Variants in PRKN observed in about 807,000 individuals in gnomAD.
The protein encoded by PRKN is parkin RBR E3 ubiquitin protein ligase, also known as E3 ubiquitin-protein ligase parkin.
PRKN carries 56 observed loss-of-function variants against 59.5 expected under a neutral mutation model. The ratio of observed to expected loss-of-function variants is 0.94; its 90% confidence interval spans 0.76 to 1.18. PRKN has a LOEUF of 1.18. Ranked by LOEUF, PRKN falls within the 50% of genes most tolerant of loss-of-function variation. The probability of loss-of-function intolerance (pLI) is 0.00; values close to 1 mark genes in which losing one functional copy is unlikely to be tolerated. For missense variants in PRKN, 657 were observed against 596.4 expected (o/e 1.10, Z -1.06); for synonymous variants, 250 against 222.1 (o/e 1.13, Z -1.12).
intron 5 of PRKN, among the ~76,000 whole-genome samples, chr6:162,006,996 A>C (rs868334631): frequency 1.3e-5 from 2 of 152,182 alleles, no homozygotes; most frequent in Admixed American, 6.6e-5. Context: ...TTATATATAC[A>C]AGTAAACAAA....
At chr6:162,141,374 T>C (rs1781773112) in intron 4 of PRKN, among the ~76,000 whole-genome samples, 1 of 152,178 alleles carries the variant, frequency 6.6e-6, no homozygotes, top group African/African-American at 2.4e-5. Context: ...ATTTACCTAA[T>C]GCTTTATTTT....
At position 161,602,952 on chromosome 6, in the gene PRKN, T is replaced by G. The variant is rs140597550; in HGVS notation, c.872-33536A>C. On this transcript the variant is annotated intron_variant, in intron 7 of 11. Transcript: ENST00000366898. Reference sequence around the variant, plus strand: ...GACTGATAATGGTACTAATAAAGACTTCTGTTTTTATAAAGGTCTACACAG... The same window carrying G: ...GACTGATAATGGTACTAATAAAGACGTCTGTTTTTATAAAGGTCTACACAG... 4.9e-3 allele frequency among the ~76,000 whole-genome samples: 752 copies of G among 152,298 alleles called. 7 individuals carry two copies. Among genetic ancestry groups the G allele is most frequent in the African/African-American group, 0.017 (720 of 41,566 alleles).
At chr6:161,815,783 C>T (rs967933031) in intron 6 of PRKN, among the ~76,000 whole-genome samples, 5 of 152,028 alleles carry the variant, frequency 3.3e-5, no homozygotes, top group South Asian at 4.2e-4. Context: ...AGGGGGAAGA[C>T]GGGGCAGCTG....
intron 8 of PRKN, 91 bp downstream of exon 8, chr6:161,569,264 G>C (rs1780776460): frequency 2.7e-6 from 3 of 1,117,106 alleles, no homozygotes; most frequent in African/African-American, 1.5e-5. Context: ...AGGGTCAGGA[G>C]ACATACTCGG....
chr6:162,434,708 C>T (rs1171806282), intron 2 of PRKN, among the ~76,000 whole-genome samples: 1 of 152,114 alleles, frequency 6.6e-6, no homozygotes, highest in Non-Finnish European at 1.5e-5. Context: ...TAAATATTTA[C>T]TAATGGTAAC....
chr6:161,767,239 C>T lies in PRKN; in HGVS notation c.871+18533G>A, dbSNP rs572623379. Among the ~76,000 whole-genome samples, 21 of 152,310 alleles carry T rather than the reference C, an allele frequency of 1.4e-4. No homozygotes were observed. The South Asian group carries it at 4.1e-3, about 30-fold the overall frequency. On this transcript the variant is annotated intron_variant, in intron 7 of 11. Transcript: ENST00000366898. ...CTTACAACAATCAGCATGGGCCGGGCACGGTGGCTCATGCCTGTAATCCCA... is the reference window on the plus strand; with the variant it reads ...CTTACAACAATCAGCATGGGCCGGGTACGGTGGCTCATGCCTGTAATCCCA...
chr6:161,952,271 A>C (rs1780018298), intron 6 of PRKN, among the ~76,000 whole-genome samples: 1 of 152,156 alleles, frequency 6.6e-6, no homozygotes, highest in South Asian at 2.1e-4. Context: ...TGTTGTGAAA[A>C]AGATGGTCAG....
intron 5 of PRKN, among the ~76,000 whole-genome samples, chr6:162,045,301 A>G (rs559947969): frequency 6.6e-6 from 1 of 152,328 alleles, no homozygotes; most frequent in Admixed American, 6.5e-5. Context: ...CACTCTTGAA[A>G]CATAAACATT....
rs1781283164 is a variant in PRKN at position 162,129,995 on chromosome 6, TGAG to T, written c.534+71133_534+71135del. ...CTTACAGTCTCAGAGGCTTTAGAAT[TGAG>T]GAGTAGAGAATGAAGCTTGCTTCTC... On this transcript the variant is annotated intron_variant, in intron 4 of 11. Transcript: ENST00000366898. Among the ~76,000 whole-genome samples the T allele has an allele frequency of 2.6e-5, 4 of 152,120 alleles. No individual in the cohort carries two copies. In the South Asian group the frequency reaches 8.3e-4, roughly 32 times the overall value.
chr6:161,678,757 G>A (rs1215675133), intron 7 of PRKN, among the ~76,000 whole-genome samples: 3 of 151,832 alleles, frequency 2.0e-5, no homozygotes, highest in Non-Finnish European at 4.4e-5. Context: ...AATAGAGATG[G>A]GGTTTCACCA....
chr6:161,451,945 T>C lies in PRKN; in HGVS notation c.1084-65068A>G, dbSNP rs571987690. Among the ~76,000 whole-genome samples the C allele has an allele frequency of 2.6e-4, 40 of 152,148 alleles. No individual in the cohort carries two copies. Among genetic ancestry groups the C allele is most frequent in the African/African-American group, 8.7e-4 (36 of 41,510 alleles). ...TCTTTTTTCTTTTCTTTTCTTTTAC[T>C]TTTTTCTTTTCTTTTCTTTTCTTTT... is the stretch of plus-strand genomic sequence containing the variant. On this transcript the variant is annotated intron_variant, in intron 9 of 11. Coordinates refer to ENST00000366898, the MANE Select transcript of PRKN (RefSeq NM_004562.3). This position sits in a 1 kb window ranked among gnomAD's most constrained non-coding sequence, Gnocchi z 5.9.
At chr6:161,569,034 C>A (rs1272776236) in intron 8 of PRKN, among the ~76,000 whole-genome samples, 1 of 151,886 alleles carries the variant, frequency 6.6e-6, no homozygotes, top group African/African-American at 2.4e-5. Flanking sequence ...ATGTCTATGA[C>A]CATCGATCCC....
intron 1 of PRKN, among the ~76,000 whole-genome samples, chr6:162,536,880 T>A (rs1778742924): frequency 6.6e-6 from 1 of 152,172 alleles, no homozygotes; most frequent in African/African-American, 2.4e-5. Flanking sequence ...TTGATTTCTT[T>A]CTCCAAATCA....
chr6:162,692,570 A>ACCCC (rs66507325), intron 1 of PRKN, among the ~76,000 whole-genome samples: 13 of 150,110 alleles, frequency 8.7e-5, no homozygotes, highest in East Asian at 4.0e-4. Context: ...TACAAGACAG[A>ACCCC]CCCCCCCCAA....
chr6:162,494,710 G>A (rs778917729), intron 1 of PRKN, among the ~76,000 whole-genome samples: 2 of 152,194 alleles, frequency 1.3e-5, no homozygotes, highest in Non-Finnish European at 2.9e-5. Context: ...TGTAAAGTTG[G>A]CATGGAATGC....
intron 3 of PRKN, among the ~76,000 whole-genome samples, chr6:162,237,105 T>A (rs181847758): frequency 6.6e-6 from 1 of 152,302 alleles, no homozygotes; most frequent in East Asian, 1.9e-4. Context: ...AATTGAGATT[T>A]ATTTTTTATT....
chr6:162,040,260 T>TAC (rs1198807436), intron 5 of PRKN, among the ~76,000 whole-genome samples: 1 of 152,176 alleles, frequency 6.6e-6, no homozygotes, highest in African/African-American at 2.4e-5. Flanking sequence ...GCTGCTAGTG[T>TAC]ACAGGTCAAC....
chr6:161,842,171 G>A (rs1450995152), intron 6 of PRKN, among the ~76,000 whole-genome samples: 1 of 152,066 alleles, frequency 6.6e-6, no homozygotes, highest in Non-Finnish European at 1.5e-5. Flanking sequence ...AAGCATATAA[G>A]AGAGAAGTGT....
chr6:161,753,587 G>A (rs1193422092), intron 7 of PRKN, among the ~76,000 whole-genome samples: 1 of 152,220 alleles, frequency 6.6e-6, no homozygotes, highest in Non-Finnish European at 1.5e-5. Context: ...CTGAGCATGG[G>A]AGAGGAGAGC....
Sources: allele counts gnomAD v4.1 joint callset (sites outside exome capture counted in the v4.1 genomes callset), GRCh38; gene constraint gnomAD v4.1.1; non-coding constraint Gnocchi (gnomAD v3.1); transcripts MANE v1.5; gene names NCBI Gene and HGNC (gene_info 2026-07-23, HGNC 2026-07-21).